DPYD: variants seen among roughly 807,000 people sequenced by gnomAD.
DPYD encodes dihydropyrimidine dehydrogenase.
In DPYD, 109 loss-of-function variants were observed where a neutral mutation model predicts 116.2. That is an observed-to-expected ratio of 0.94 (90% CI 0.80 to 1.10). DPYD has a LOEUF of 1.10. DPYD is among the 50% of genes least tolerant of loss of function. The probability of loss-of-function intolerance (pLI) is 0.00; values close to 1 mark genes in which losing one functional copy is unlikely to be tolerated. For synonymous variants in DPYD, 440 were observed against 432.0 expected, an observed-to-expected ratio of 1.02 and a Z score of -0.23; for missense variants, 1,302 against 1,254.5, an observed-to-expected ratio of 1.04 and a Z score of -0.57.
chr1:97,340,568 C>T (rs12024103), intron 16 of DPYD, among the ~76,000 whole-genome samples: 17,341 of 152,022 alleles, frequency 0.11, 1,276 homozygotes, highest in East Asian at 0.29. Context: ...CAGCTACTTT[C>T]GGGAGGCTGA....
At chr1:97,608,726 A>G (rs543105956) in intron 8 of DPYD, among the ~76,000 whole-genome samples, 1 of 151,702 alleles carries the variant, frequency 6.6e-6, no homozygotes, top group Admixed American at 6.6e-5. Context: ...ATTGGAGCAC[A>G]TTAAAATGTA....
At chr1:97,226,114 A>C (rs1035891437) in intron 19 of DPYD, among the ~76,000 whole-genome samples, 1 of 152,152 alleles carries the variant, frequency 6.6e-6, no homozygotes, top group Admixed American at 6.6e-5. Context: ...ATAACAACAC[A>C]TTAAGAGAAT....
chr1:97,278,241 G>A (rs1414406752), intron 18 of DPYD, among the ~76,000 whole-genome samples: 2 of 152,200 alleles, frequency 1.3e-5, no homozygotes, highest in Non-Finnish European at 2.9e-5. Flanking sequence ...GTTAGTGAAA[G>A]TTTGCCTACT....
At chr1:97,393,371 G>GT (rs1382125927) in intron 14 of DPYD, among the ~76,000 whole-genome samples, 1 of 151,578 alleles carries the variant, frequency 6.6e-6, no homozygotes, top group Admixed American at 6.6e-5. Flanking sequence ...GTATACATGT[G>GT]CCATGTTGGT....
At chr1:97,306,861 G>T (rs186713642) in intron 16 of DPYD, among the ~76,000 whole-genome samples, 12 of 152,006 alleles carry the variant, frequency 7.9e-5, no homozygotes, top group Middle Eastern at 3.4e-3. Flanking sequence ...TACATGAGCT[G>T]ATCAGTAACT....
At chr1:97,431,316 A>C (rs982169154) in intron 14 of DPYD, among the ~76,000 whole-genome samples, 3 of 152,162 alleles carry the variant, frequency 2.0e-5, no homozygotes, top group African/African-American at 7.2e-5. Flanking sequence ...TTATTGAGGC[A>C]CTAAAACCTA....
At chr1:97,617,033 C>A (rs370306800) in intron 8 of DPYD, among the ~76,000 whole-genome samples, 45 of 152,186 alleles carry the variant, frequency 3.0e-4, no homozygotes, top group East Asian at 2.1e-3. Context: ...GAAAACCCAT[C>A]CCTACTAAAA....
At chr1:97,665,770 G>A (rs1220409431) in intron 8 of DPYD, among the ~76,000 whole-genome samples, 1 of 152,016 alleles carries the variant, frequency 6.6e-6, no homozygotes, top group East Asian at 1.9e-4. Context: ...GTTATTCATA[G>A]CAAGATGATG....
intron 20 of DPYD, among the ~76,000 whole-genome samples, chr1:97,186,647 G>A (rs763454615): frequency 2.6e-5 from 4 of 152,100 alleles, no homozygotes; most frequent in Non-Finnish European, 5.9e-5. Flanking sequence ...TGAGGAGTTC[G>A]AGAACAGCCT....
rs189498291 is a variant in DPYD, at chr1:97,844,848, C to T, written c.151-16652G>A. Among the ~76,000 whole-genome samples the T allele has an allele frequency of 3.9e-3, 595 of 152,294 alleles. 6 individuals carry two copies. Among genetic ancestry groups the T allele is most frequent in the Non-Finnish European group, 5.9e-3 (403 of 68,010 alleles). ...CCCTGCAGTCTCAGAAGTGCCTGCTCCCACTACCTGGTCTCTCCCCACCCA... is the reference window on the plus strand; with the variant it reads ...CCCTGCAGTCTCAGAAGTGCCTGCTTCCACTACCTGGTCTCTCCCCACCCA... On this transcript the variant is annotated intron_variant, in intron 2 of 22. Transcript: ENST00000370192.
intron 19 of DPYD, among the ~76,000 whole-genome samples, chr1:97,211,221 C>G (rs1276119635): frequency 6.6e-6 from 1 of 152,158 alleles, no homozygotes; most frequent in African/African-American, 2.4e-5. Context: ...TTTGCTCTGT[C>G]TTTCTGCAAT....
intron 15 of DPYD, among the ~76,000 whole-genome samples, chr1:97,375,586 T>C (rs1208856250): frequency 6.6e-6 from 1 of 152,188 alleles, no homozygotes; most frequent in Non-Finnish European, 1.5e-5. Flanking sequence ...GATGGTTTGG[T>C]AGTGAGCATG....
chr1:97,498,852 T>C (rs752542081), intron 13 of DPYD, among the ~76,000 whole-genome samples: 3 of 151,666 alleles, frequency 2.0e-5, no homozygotes, highest in African/African-American at 7.2e-5. Flanking sequence ...ACATACAATG[T>C]ATTGAAATAG....
intron 5 of DPYD, chr1:97,700,392 C>T (rs917929275): frequency 5.0e-6 from 2 of 397,384 alleles, no homozygotes; most frequent in East Asian, 7.2e-5. Flanking sequence ...ACCCTATGGT[C>T]CAGGAAAAAC....
chr1:97,868,039 A>C (rs1219331819), intron 2 of DPYD, among the ~76,000 whole-genome samples: 4 of 151,746 alleles, frequency 2.6e-5, no homozygotes, highest in Non-Finnish European at 4.4e-5. Flanking sequence ...ATACAAAATC[A>C]ACATACTAAA....
chr1:97,291,867 AC>A (rs113820521), intron 18 of DPYD, among the ~76,000 whole-genome samples: 2,057 of 152,086 alleles, frequency 0.014, 35 homozygotes, highest in Middle Eastern at 0.045. Context: ...CCTAAAAAAA[AC>A]CCTAAATTCC....
intron 2 of DPYD, among the ~76,000 whole-genome samples, chr1:97,861,582 A>G (rs1671120467): frequency 6.6e-6 from 1 of 151,940 alleles, no homozygotes; most frequent in Non-Finnish European, 1.5e-5. Flanking sequence ...TAAAAAGACA[A>G]TATAACAACA....
intron 3 of DPYD, among the ~76,000 whole-genome samples, chr1:97,777,222 T>C (rs1213637328): frequency 7.2e-5 from 11 of 152,192 alleles, no homozygotes; most frequent in Admixed American, 7.2e-4. Context: ...TTTTAAAAAA[T>C]TAATATACTC....
intron 3 of DPYD, among the ~76,000 whole-genome samples, chr1:97,764,704 A>C (rs919467730): frequency 6.6e-6 from 1 of 152,076 alleles, no homozygotes; most frequent in Non-Finnish European, 1.5e-5. Flanking sequence ...ACAATACTTT[A>C]TTATGATCTG....
Sources: allele counts gnomAD v4.1 joint callset (sites outside exome capture counted in the v4.1 genomes callset), GRCh38; gene constraint gnomAD v4.1.1; transcripts MANE v1.5; gene names NCBI Gene and HGNC (gene_info 2026-07-23, HGNC 2026-07-21).